Variants in TELO2 observed in about 807,000 individuals in gnomAD.
TELO2 encodes the protein telomere maintenance 2.
TELO2 carries 71 observed loss-of-function variants against 91.0 expected under a neutral mutation model. That is an observed-to-expected ratio of 0.78 (90% CI 0.64 to 0.95). The LOEUF (loss-of-function observed/expected upper bound fraction) is 0.95. Ranked by LOEUF, TELO2 falls within the 40% of genes least tolerant of loss-of-function variation. The pLI is 0.00. For synonymous variants in TELO2, 584 were observed against 518.9 expected (o/e 1.13, Z -1.71); for missense variants, 1,183 against 1,141.3 (o/e 1.04, Z -0.53).
At position 1,500,174 on chromosome 16, in the gene TELO2, T is replaced by G. The variant is rs2039625639; in HGVS notation, c.1002+10T>G. ...CCCGCTCCTGCTGCAGGTACGTGCCTCCTGGCTCTCCGTCCCTGCGAGGCC... is the reference window on the plus strand; with the variant it reads ...CCCGCTCCTGCTGCAGGTACGTGCCGCCTGGCTCTCCGTCCCTGCGAGGCC... On this transcript the variant is annotated intron_variant, in intron 7 of 20. Coordinates refer to ENST00000262319, the MANE Select transcript of TELO2 (RefSeq NM_016111.4). 6.3e-7 allele frequency: 1 copy of G among 1,596,988 alleles called. No homozygotes were observed. The highest frequency in any genetic ancestry group is 1.1e-5 in the South Asian group (1 of 89,534).
rs780098405 is a variant in TELO2 at position 1,495,593 on chromosome 16, G to C, written c.583G>C (p.Val195Leu). 9 of 1,606,004 alleles carry C rather than the reference G, an allele frequency of 5.6e-6. No individual in the cohort carries two copies. The highest frequency in any genetic ancestry group is 7.7e-6 in the Non-Finnish European group (9 of 1,175,260). The change falls in exon 3 of 21, where the codon GTG (valine) becomes CTG (leucine). Residue 195 changes from valine (V) to leucine (L), a missense_variant. Physicochemically the swap from Val to Leu is conservative, Grantham distance 32 (BLOSUM62 1). Transcript: ENST00000262319. Reference sequence around the variant, plus strand: ...CCTGCTCGGCGAGGAGGTCGTCCGGGTGCTGCAGGCGGTTGTGGACTCTCT... The same window carrying C: ...CCTGCTCGGCGAGGAGGTCGTCCGGCTGCTGCAGGCGGTTGTGGACTCTCT... ...FRLLGEEVVR[V>L]LQAVVDSLQG...
chr16:1,498,856 G>T (rs978151237), intron 5 of TELO2, among the ~76,000 whole-genome samples: 4 of 152,208 alleles, frequency 2.6e-5, no homozygotes, highest in African/African-American at 9.6e-5. Flanking sequence ...TGGACCAGGG[G>T]CCTACAGGCT....
At position 1,501,416 on chromosome 16, in the gene TELO2, G is replaced by A; in HGVS notation, c.1282-4G>A. 6.2e-7 allele frequency: 1 copy of A among 1,612,308 alleles called. No homozygotes were observed. The highest frequency in any genetic ancestry group is 8.5e-7 in the Non-Finnish European group (1 of 1,179,696). Reference sequence around the variant, plus strand: ...ATGCCGCTGAGCCTGCTCCCCTGCTGTAGTACGAAGAGGATGAACTGAGCC... The same window carrying A: ...ATGCCGCTGAGCCTGCTCCCCTGCTATAGTACGAAGAGGATGAACTGAGCC... On this transcript the variant is annotated splice_region_variant and splice_polypyrimidine_tract_variant and intron_variant, in intron 9 of 20. Transcript: ENST00000262319.
Position 1,505,701 on chromosome 16 carries a change from C to T in TELO2, c.2034+100C>T. On this transcript the variant is annotated intron_variant, in intron 16 of 20. Coordinates refer to ENST00000262319, the MANE Select transcript of TELO2 (RefSeq NM_016111.4). This position sits in a 1 kb window ranked among gnomAD's most constrained non-coding sequence, Gnocchi z 4.3. ...GGCGCTGTCTGCAGCGAGGGGCGGC[C>T]ACATTCGCTGGGGATGGTGCCTTTG... is the stretch of plus-strand genomic sequence containing the variant. 7.3e-7 allele frequency: 1 copy of T among 1,374,868 alleles called. No homozygotes were observed. The highest frequency in any genetic ancestry group is 9.8e-7 in the Non-Finnish European group (1 of 1,023,172). The allele number at this position is 1,374,868 out of a possible 1,614,324, so 85.2% of individuals were successfully genotyped here.
chr16:1,506,150 G>T, intron 16 of TELO2, 88 bp from the exon 17 acceptor site: 1 of 1,449,770 alleles, frequency 6.9e-7, no homozygotes, highest in Non-Finnish European at 9.6e-7. Context: ...TGAGGTCCAC[G>T]CTGCTTTGTG....
At chr16:1,500,252 C>T (rs908579362) in intron 7 of TELO2, 88 bp downstream of exon 7, 1 of 1,530,580 alleles carries the variant, frequency 6.5e-7, no homozygotes, top group Non-Finnish European at 8.8e-7. Context: ...GTGAGGCTGG[C>T]TGGGCTGGGG....
chr16:1,502,543 G>C (rs1485218114), intron 13 of TELO2, 102 bp from the exon 14 acceptor site: 21 of 1,515,118 alleles, frequency 1.4e-5, no homozygotes, highest in Admixed American at 1.1e-4. Context: ...CTGCGGCCTG[G>C]GGCCTCTGCT....
At chr16:1,507,530 C>A in intron 19 of TELO2, 71 bp from the exon 20 acceptor site, 1 of 1,498,968 alleles carries the variant, frequency 6.7e-7, no homozygotes. Context: ...GGGTGGTCTG[C>A]CACACTGAGG....
At position 1,494,318 on chromosome 16, in the gene TELO2, C is replaced by G; in HGVS notation, c.37C>G (p.Arg13Gly). The G allele has an allele frequency of 6.2e-7, 1 of 1,613,398 alleles. No homozygotes were observed. The highest frequency in any genetic ancestry group is 8.5e-7 in the Non-Finnish European group (1 of 1,179,936). ...ACCCTCAGAGGTTCGACTCGCCGTC[C>G]GGGAAGCCATTCATGCCCTCTCGTC... Reference protein sequence around the residue: ...PAPSEVRLAVREAIHALSSSE... With the variant: ...PAPSEVRLAVGEAIHALSSSE... Residue 13 changes from arginine (R) to glycine (G), a missense_variant, in exon 2 of 21, where the codon CGG (arginine) becomes GGG (glycine). Arg to Gly is a moderately radical substitution (Grantham distance 125). Coordinates refer to ENST00000262319, the MANE Select transcript of TELO2 (RefSeq NM_016111.4). The surrounding 1 kb of genome is among the most constrained non-coding windows in gnomAD (Gnocchi z 5.6).
In TELO2 at chr16:1,510,155, A is replaced by G. The variant is rs554616975; in HGVS notation, c.*219A>G. 1.1e-5 allele frequency: 6 copies of G among 552,100 alleles called. No individual in the cohort carries two copies. The East Asian group carries it at 1.9e-4, about 17-fold the overall frequency. The allele number at this position is 552,100 out of a possible 1,614,324, so 34.2% of individuals were successfully genotyped here. A position where few individuals can be genotyped will look rare whatever the true frequency, so the allele number is the denominator to read the frequency against. ...TGGGCACTGCCCGCCGGGACATGGC[A>G]GCCTGGACGTGGGGCTGGGGCTGTG... On this transcript the variant is annotated 3_prime_UTR_variant, in exon 21 of 21. Transcript: ENST00000262319.
chr16:1,504,565 T>C (rs1183621327), intron 15 of TELO2, among the ~76,000 whole-genome samples: 3 of 123,606 alleles, frequency 2.4e-5, no homozygotes, highest in Non-Finnish European at 3.6e-5. Context: ...TTTTTTTTTT[T>C]TTTTTTTTTT....
chr16:1,501,905 C>T, intron 11 of TELO2, 132 bp downstream of exon 11: 1 of 1,427,718 alleles, frequency 7.0e-7, no homozygotes, highest in Non-Finnish European at 9.7e-7. Context: ...CATGTGAGGG[C>T]CCGCAGCTCC....
At position 1,494,421 on chromosome 16, in the gene TELO2, T is replaced by C. The variant is rs906860209; in HGVS notation, c.140T>C (p.Leu47Pro). Residue 47 changes from leucine to proline, a missense_variant, in exon 2 of 21, where the codon CTC becomes CCC. Leu to Pro is a moderately conservative substitution (Grantham distance 98). Coordinates refer to ENST00000262319, the MANE Select transcript of TELO2 (RefSeq NM_016111.4). This position sits in a 1 kb window ranked among gnomAD's most constrained non-coding sequence, Gnocchi z 5.6. ...CTCGGTGAGATGGAGCCTCCAGCGC[T>C]CCCGAGGGAGAAGGAGGAGTTTGCC... ...RYLGEMEPPALPREKEEFASA... is the reference protein window; with the variant it reads ...RYLGEMEPPAPPREKEEFASA... The C allele has an allele frequency of 3.1e-6, 5 of 1,612,216 alleles. No individual in the cohort carries two copies. In the African/African-American group the frequency reaches 5.4e-5, roughly 17 times the overall value.
Position 1,505,632 on chromosome 16 carries a change from C to G in TELO2, c.2034+31C>G. On this transcript the variant is annotated intron_variant, in intron 16 of 20. Coordinates refer to ENST00000262319, the MANE Select transcript of TELO2 (RefSeq NM_016111.4). The surrounding 1 kb of genome is among the most constrained non-coding windows in gnomAD (Gnocchi z 4.3). ...TGGCGCCTGGTCAGCTCCTCACGGGCATGGGGACCGTGGGTGGGTGGGAAG... is the reference window on the plus strand; with the variant it reads ...TGGCGCCTGGTCAGCTCCTCACGGGGATGGGGACCGTGGGTGGGTGGGAAG... The G allele has an allele frequency of 8.6e-7, 1 of 1,164,378 alleles. No individual in the cohort carries two copies. The allele number at this position is 1,164,378 out of a possible 1,614,324, so 72.1% of individuals were successfully genotyped here.
Position 1,506,309 on chromosome 16 carries a change from C to G in TELO2, c.2106C>G (p.Pro702=). The change falls in exon 17 of 21, where the codon CCC becomes CCG. Residue 702 remains proline, a synonymous_variant. Transcript: ENST00000262319. The stretch of plus-strand genomic sequence containing the variant: ...CCGTGGCCGGCCACTTCTTCTTCCC[C>G]CTCCTTCAGCGCTTTGACAGGTGAG... ...FNSVAGHFFF[P]LLQRFDRPLV... is the part of the protein sequence containing the mutation. 2 of 1,614,104 alleles carry G rather than the reference C, an allele frequency of 1.2e-6. No homozygotes were observed. Among genetic ancestry groups the G allele is most frequent in the African/African-American group, 1.3e-5 (1 of 75,062 alleles).
In TELO2 at chr16:1,507,738, G is replaced by C. The variant is rs775475322; in HGVS notation, c.2407+22G>C. 4 of 1,591,278 alleles carry C rather than the reference G, an allele frequency of 2.5e-6. No homozygotes were observed. In the South Asian group the frequency reaches 4.5e-5, roughly 18 times the overall value. ...GCGGGTGAGTGTCGGCCTGCGGTGT[G>C]TGTGTGAGATGTGTGTCGGCCCGGG... On this transcript the variant is annotated intron_variant, in intron 20 of 20. Coordinates refer to ENST00000262319, the MANE Select transcript of TELO2 (RefSeq NM_016111.4).
chr16:1,498,690 C>T lies in TELO2; in HGVS notation c.831-541C>T, dbSNP rs574060692. 6.6e-5 allele frequency among the ~76,000 whole-genome samples: 10 copies of T among 151,130 alleles called. No individual in the cohort carries two copies. The South Asian group carries it at 1.9e-3, about 29-fold the overall frequency. On this transcript the variant is annotated intron_variant, in intron 5 of 20. Coordinates refer to ENST00000262319, the MANE Select transcript of TELO2 (RefSeq NM_016111.4). ...CCTTAAGTGATCCTCCTGCCTTGGC[C>T]TCCCAAATGTTTTTTTAACCGTTAT...
rs746800379 is a variant in TELO2 at position 1,507,024 on chromosome 16, C to A, written c.2199C>A (p.Ala733=). The A allele has an allele frequency of 1.7e-5, 27 of 1,610,888 alleles. No homozygotes were observed. The highest frequency in any genetic ancestry group is 1.2e-4 in the South Asian group (11 of 90,502). The change falls in exon 18 of 21, where the codon GCC becomes GCA. Residue 733 remains alanine (A), a synonymous_variant. Coordinates refer to ENST00000262319, the MANE Select transcript of TELO2 (RefSeq NM_016111.4). ...GAAGGCTGGCGCACACCTTAGGGGC[C>A]CTGATGTGCCTGGCTGTTAACACCA... is the stretch of plus-strand genomic sequence containing the variant. ...VLGRLAHTLG[A]LMCLAVNTTV... is the part of the protein sequence containing the mutation.
chr16:1,504,252 G>A (rs928762398), intron 15 of TELO2, among the ~76,000 whole-genome samples: 14 of 151,490 alleles, frequency 9.2e-5, no homozygotes, highest in Non-Finnish European at 1.5e-4. Flanking sequence ...CGCCAACATG[G>A]TGAAACCCTG....
Sources: gnomAD v4.1 joint callset for allele counts (sites outside exome capture counted in the v4.1 genomes callset) on GRCh38, gnomAD v4.1.1 for gene constraint, Gnocchi (gnomAD v3.1) non-coding constraint, MANE v1.5 for transcripts, NCBI Gene and HGNC (gene_info 2026-07-23, HGNC 2026-07-21) for gene names.